The following TFEC variants were observed in gnomAD, a reference collection of about 807,000 sequenced individuals.
TFEC encodes transcription factor EC, also known as class E basic helix-loop-helix protein 34.
Under a neutral mutation model 41.6 loss-of-function variants are expected in TFEC, and 31 were observed. That is an observed-to-expected ratio of 0.74 (90% CI 0.56 to 1.01). TFEC has a LOEUF of 1.01. TFEC is among the 50% of genes least tolerant of loss of function. The pLI, the probability that TFEC is intolerant of heterozygous loss-of-function variation, is 0.00. For synonymous variants in TFEC, 143 were observed against 140.6 expected (o/e 1.02, Z -0.12); for missense variants, 402 against 404.1 (o/e 0.99, Z 0.04).
intron 1 of TFEC, among the ~76,000 whole-genome samples, chr7:116,023,811 A>G (rs1265469443): frequency 6.6e-6 from 1 of 152,156 alleles, no homozygotes; most frequent in Non-Finnish European, 1.5e-5. Context: ...ACCAAATGCC[A>G]TAATTTGGTC....
intron 1 of TFEC, among the ~76,000 whole-genome samples, chr7:116,131,687 G>GA (rs1045627218): frequency 6.6e-6 from 1 of 151,812 alleles, no homozygotes; most frequent in African/African-American, 2.4e-5. Flanking sequence ...GAGTGTACTT[G>GA]AAAAAAAATT....
intron 1 of TFEC, among the ~76,000 whole-genome samples, chr7:116,149,552 T>C (rs1798717899): frequency 6.6e-6 from 1 of 152,168 alleles, no homozygotes; most frequent in African/African-American, 2.4e-5. Flanking sequence ...TCTGATATTA[T>C]AAAAACTCTT....
At chr7:116,073,807 A>AGGT (rs1796887458) in intron 3 of TFEC, among the ~76,000 whole-genome samples, 1 of 152,032 alleles carries the variant, frequency 6.6e-6, no homozygotes, top group African/African-American at 2.4e-5. Flanking sequence ...TCAATGGACT[A>AGGT]CAATAGAAAT....
chr7:115,996,956 C>T (rs530182517), intron 1 of TFEC, among the ~76,000 whole-genome samples: 3 of 152,278 alleles, frequency 2.0e-5, no homozygotes, highest in South Asian at 2.1e-4. Context: ...TTTTTAAATA[C>T]AGGCCCTGGC....
chr7:116,028,936 T>G (rs1023294506), intron 1 of TFEC, among the ~76,000 whole-genome samples: 2 of 151,836 alleles, frequency 1.3e-5, no homozygotes, highest in Non-Finnish European at 2.9e-5. Flanking sequence ...ACTATATAAG[T>G]TAGTAGTATT....
chr7:116,079,421 C>T (rs1331511043), intron 3 of TFEC, among the ~76,000 whole-genome samples: 1 of 151,956 alleles, frequency 6.6e-6, no homozygotes, highest in African/African-American at 2.4e-5. Context: ...GATCGTATAC[C>T]TAGAAAACTC....
intron 1 of TFEC, among the ~76,000 whole-genome samples, chr7:116,026,441 T>C (rs531336669): frequency 1.4e-4 from 21 of 152,348 alleles, no homozygotes; most frequent in Non-Finnish European, 2.2e-4. Context: ...GCAGGTAGCA[T>C]ACCTTATCCA....
chr7:115,999,964 T>C (rs1584671314), intron 1 of TFEC, among the ~76,000 whole-genome samples: 1 of 151,844 alleles, frequency 6.6e-6, no homozygotes, highest in Non-Finnish European at 1.5e-5. Context: ...TCTAAACCCA[T>C]TCTACAAGGT....
chr7:115,940,505 C>T lies in TFEC; in HGVS notation c.*46G>A. 1.9e-6 allele frequency: 3 copies of T among 1,548,102 alleles called. No homozygotes were observed. The highest frequency in any genetic ancestry group is 2.6e-6 in the Non-Finnish European group (3 of 1,145,742). On this transcript the variant is annotated 3_prime_UTR_variant, in exon 8 of 8. Coordinates refer to ENST00000265440, the MANE Select transcript of TFEC (RefSeq NM_012252.4). ...AACACAGAGCATAATTGCATAGCAC[C>T]AGCATAGAATTGCTTTCCAGTTGAT...
At chr7:115,964,477 ATAT>A (rs531412607) in intron 3 of TFEC, among the ~76,000 whole-genome samples, 242 of 151,690 alleles carry the variant, frequency 1.6e-3, no homozygotes, top group African/African-American at 5.6e-3. Context: ...ATTCAGCAAA[ATAT>A]TATTAACACT....
chr7:116,125,650 C>A (rs572756534), intron 1 of TFEC, among the ~76,000 whole-genome samples: 1 of 151,844 alleles, frequency 6.6e-6, no homozygotes, highest in Non-Finnish European at 1.5e-5. Context: ...AGATCCTACA[C>A]AGAAAAAAGA....
chr7:116,154,901 T>G lies in TFEC; in HGVS notation c.-69+4889A>C, dbSNP rs1798836396. Among the ~76,000 whole-genome samples, 2 of 152,176 alleles carry G rather than the reference T, an allele frequency of 1.3e-5. 1 individual carries two copies. Among genetic ancestry groups the G allele is most frequent in the South Asian group, 4.1e-4 (2 of 4,828 alleles). On this transcript the variant is annotated intron_variant, in intron 1 of 8. Coordinates refer to the TFEC transcript ENST00000484212. ...TTGTGGTGGTATCTCTGAAAGGGAC[T>G]GGAAACCTTTCACAGGGGTCTCAGC...
intron 1 of TFEC, among the ~76,000 whole-genome samples, chr7:116,144,054 C>T (rs573214100): frequency 2.8e-4 from 43 of 152,148 alleles, no homozygotes; most frequent in Admixed American, 1.1e-3. Flanking sequence ...GCTGTCTCTA[C>T]TAAAAATACA....
At position 116,119,138 on chromosome 7, in the gene TFEC, A is replaced by C. The variant is rs148757954; in HGVS notation, c.-68-7100T>G. ...CTTTGCTAAGCATTTTATTTTTTAT[A>C]TCCTTCAATAAATTTATTAATGCTT... On this transcript the variant is annotated intron_variant, in intron 1 of 8. Transcript: ENST00000484212. Among the ~76,000 whole-genome samples the C allele has an allele frequency of 4.0e-3, 603 of 151,940 alleles. 4 individuals carry two copies. Among genetic ancestry groups the C allele is most frequent in the African/African-American group, 0.014 (569 of 41,498 alleles).
chr7:115,967,309 G>GT (rs931786733), intron 3 of TFEC, among the ~76,000 whole-genome samples: 5 of 151,538 alleles, frequency 3.3e-5, no homozygotes, highest in African/African-American at 7.3e-5. Context: ...CCTATATTGT[G>GT]TTTTTTTGTG....
chr7:116,111,123 A>C (rs1797845938), intron 2 of TFEC, among the ~76,000 whole-genome samples: 1 of 151,926 alleles, frequency 6.6e-6, no homozygotes, highest in Non-Finnish European at 1.5e-5. Flanking sequence ...AAAAAAAAAA[A>C]AAGATGAGAA....
chr7:115,988,590 C>A (rs924165286), intron 1 of TFEC, among the ~76,000 whole-genome samples: 12 of 151,712 alleles, frequency 7.9e-5, no homozygotes, highest in Admixed American at 1.3e-4. Context: ...GGGACAATGA[C>A]AAAAGATGTA....
At chr7:116,080,130 T>G (rs1400423178) in intron 3 of TFEC, among the ~76,000 whole-genome samples, 2 of 152,020 alleles carry the variant, frequency 1.3e-5, no homozygotes, top group Non-Finnish European at 2.9e-5. Flanking sequence ...CAAGCCACAT[T>G]AGAAGAATGA....
chr7:115,976,590 A>C (rs1410782944), intron 2 of TFEC, among the ~76,000 whole-genome samples: 2 of 152,142 alleles, frequency 1.3e-5, no homozygotes, highest in African/African-American at 4.8e-5. Flanking sequence ...ATAGATGTGC[A>C]TATTTTGTTT....
Sources: gnomAD v4.1 joint callset for allele counts (sites outside exome capture counted in the v4.1 genomes callset) on GRCh38, gnomAD v4.1.1 for gene constraint, MANE v1.5 for transcripts, NCBI Gene and HGNC (gene_info 2026-07-23, HGNC 2026-07-21) for gene names.